SMC6: variants seen among roughly 807,000 people sequenced by gnomAD.
SMC6 encodes the protein structural maintenance of chromosomes protein 6.
Under a neutral mutation model 142.2 loss-of-function variants are expected in SMC6, and 79 were observed. That is an observed-to-expected ratio of 0.56 (90% CI 0.46 to 0.67). The LOEUF is 0.67. Among genes scored for constraint, SMC6 ranks in the 30% least tolerant of loss-of-function variants. The pLI is 0.00. For missense variants in SMC6, 1,072 were observed against 1,284.0 expected, an observed-to-expected ratio of 0.83 and a Z score of 2.52; for synonymous variants, 411 against 412.4, an observed-to-expected ratio of 1.00 and a Z score of 0.04.
intron 27 of SMC6, among the ~76,000 whole-genome samples, 154 bp downstream of exon 27, chr2:17,666,266 A>G (rs1666491766): frequency 6.6e-6 from 1 of 152,244 alleles, no homozygotes; most frequent in Non-Finnish European, 1.5e-5. Context: ...TCTCAAAAAG[A>G]GAAAAACATC....
intron 23 of SMC6, among the ~76,000 whole-genome samples, chr2:17,686,144 T>TATCCTTTCTC (rs1233561862): frequency 2.0e-5 from 3 of 152,066 alleles, no homozygotes; most frequent in Non-Finnish European, 4.4e-5. Flanking sequence ...GGGGAAAAAG[T>TATCCTTTCTC]ATCCTTTCTC....
chr2:17,700,821 C>T (rs1030964147), intron 20 of SMC6, among the ~76,000 whole-genome samples: 1 of 151,940 alleles, frequency 6.6e-6, no homozygotes, highest in Non-Finnish European at 1.5e-5. Flanking sequence ...CACCTAAGGA[C>T]AGGAGTTTGA....
chr2:17,706,418 T>C (rs1668510873), intron 18 of SMC6, among the ~76,000 whole-genome samples: 1 of 152,200 alleles, frequency 6.6e-6, no homozygotes, highest in African/African-American at 2.4e-5. Context: ...GTTATTTTCC[T>C]TTATTCTGCT....
intron 4 of SMC6, among the ~76,000 whole-genome samples, chr2:17,739,837 C>CACAGACAG (rs1553321179): frequency 3.8e-5 from 4 of 104,456 alleles, no homozygotes; most frequent in African/African-American, 2.1e-4. Flanking sequence ...CACACACACA[C>CACAGACAG]ACACACAGAC....
intron 2 of SMC6, among the ~76,000 whole-genome samples, chr2:17,752,715 C>T (rs1671112940): frequency 6.6e-6 from 1 of 152,204 alleles, no homozygotes; most frequent in African/African-American, 2.4e-5. Flanking sequence ...TGTTCCCTCT[C>T]TACCCACACA....
At chr2:17,720,028 GC>G (rs1282723235) in intron 11 of SMC6, among the ~76,000 whole-genome samples, 16 of 152,152 alleles carry the variant, frequency 1.1e-4, no homozygotes, top group Non-Finnish European at 4.4e-5. Flanking sequence ...GAGTACATTT[GC>G]GGGGGAAGGG....
chr2:17,670,272 TTA>T, intron 26 of SMC6, 149 bp downstream of exon 26: 1 of 757,238 alleles, frequency 1.3e-6, no homozygotes. Context: ...CTCTAGTTCT[TTA>T]GTTCTTCCCC....
intron 3 of SMC6, among the ~76,000 whole-genome samples, chr2:17,744,227 G>T (rs1457822756): frequency 6.6e-6 from 1 of 152,130 alleles, no homozygotes; most frequent in Admixed American, 6.5e-5. Flanking sequence ...ATTCTTGTCA[G>T]CATTTGGTGC....
chr2:17,716,605 CATAAAA>C, intron 14 of SMC6, 130 bp downstream of exon 14: 1 of 915,408 alleles, frequency 1.1e-6, no homozygotes, highest in South Asian at 1.9e-5. Flanking sequence ...AAGTATTTAA[CATAAAA>C]ATAAAATCTT....
chr2:17,684,028 G>A (rs762259200), intron 23 of SMC6, among the ~76,000 whole-genome samples: 1 of 152,152 alleles, frequency 6.6e-6, no homozygotes, highest in Non-Finnish European at 1.5e-5. Flanking sequence ...CAAATGCCCT[G>A]GTACGGCCTA....
At chr2:17,666,081 C>A (rs1666483060) in intron 27 of SMC6, among the ~76,000 whole-genome samples, 1 of 152,082 alleles carries the variant, frequency 6.6e-6, no homozygotes, top group Non-Finnish European at 1.5e-5. Context: ...TTGTAAGTCA[C>A]CAAGAGAAAA....
chr2:17,718,128 C>T lies in SMC6; in HGVS notation c.1041G>A (p.Met347Ile), dbSNP rs765551125. 5 of 1,611,672 alleles carry T rather than the reference C, an allele frequency of 3.1e-6. No individual in the cohort carries two copies. The highest frequency in any genetic ancestry group is 1.1e-5 in the South Asian group (1 of 90,786). ...EETNARAPEC[M>I]ALKADVVAKK... ...TAGCAACAACATCTGCTTTCAATGCCATACATTCTGGTGCTCGTGCATTTG... is the reference window on the plus strand; with the variant it reads ...TAGCAACAACATCTGCTTTCAATGCTATACATTCTGGTGCTCGTGCATTTG... The change falls in exon 12 of 28, where the codon ATG becomes ATA. Residue 347 changes from methionine (M) to isoleucine (I), a missense_variant. Met to Ile is a conservative substitution (Grantham distance 10, BLOSUM62 1). Coordinates refer to ENST00000448223, the MANE Select transcript of SMC6 (RefSeq NM_001142286.2).
chr2:17,708,931 A>G (rs1483181052), intron 16 of SMC6, among the ~76,000 whole-genome samples, 178 bp from the exon 17 acceptor site: 1 of 152,056 alleles, frequency 6.6e-6, no homozygotes, highest in African/African-American at 2.4e-5. Context: ...ACATAGCTGT[A>G]TAGGTTTATT....
At position 17,700,207 on chromosome 2, in the gene SMC6, C is replaced by T. The variant is rs754737847; in HGVS notation, c.2394+1G>A. The T allele has an allele frequency of 6.3e-7, 1 of 1,588,498 alleles. No homozygotes were observed. Among genetic ancestry groups the T allele is most frequent in the Admixed American group, 1.7e-5 (1 of 57,364 alleles). On this transcript the variant is annotated splice_donor_variant, in intron 21 of 27. Coordinates refer to ENST00000448223, the MANE Select transcript of SMC6 (RefSeq NM_001142286.2). LOFTEE classifies it high-confidence loss of function. The stretch of plus-strand genomic sequence containing the variant: ...CGTAACACAGTACCAAAAATATATA[C>T]CTTAAGTGGGTCTGCTAGCTCCGAT...
At chr2:17,738,112 G>A (rs1670246209) in intron 5 of SMC6, 109 bp downstream of exon 5, 2 of 762,964 alleles carry the variant, frequency 2.6e-6, no homozygotes, top group Admixed American at 5.0e-5. Flanking sequence ...CTCTGCTCCT[G>A]TTCTGGGAAG....
At chr2:17,721,289 ATTT>A (rs1237720450) in intron 9 of SMC6, 28 bp from the exon 10 acceptor site, 1 of 1,527,308 alleles carries the variant, frequency 6.5e-7, no homozygotes, top group African/African-American at 1.4e-5. Context: ...GAACGGACGT[ATTT>A]TTTATTAATG....
chr2:17,697,796 A>G (rs1668073362), intron 21 of SMC6, among the ~76,000 whole-genome samples: 1 of 152,108 alleles, frequency 6.6e-6, no homozygotes, highest in South Asian at 2.1e-4. Context: ...AAGTTCTTCA[A>G]AATGAAGTGT....
intron 3 of SMC6, among the ~76,000 whole-genome samples, chr2:17,742,069 C>A (rs1010753962): frequency 2.6e-5 from 4 of 152,134 alleles, no homozygotes; most frequent in African/African-American, 9.7e-5. Flanking sequence ...TAGATGCCGG[C>A]AACACACACC....
At chr2:17,713,223 GA>G (rs1218217407) in intron 16 of SMC6, among the ~76,000 whole-genome samples, 1 of 152,104 alleles carries the variant, frequency 6.6e-6, no homozygotes, top group Non-Finnish European at 1.5e-5. Flanking sequence ...CATCTCTAAA[GA>G]AACATTATTA....
Sources: gnomAD v4.1 joint callset for allele counts (sites outside exome capture counted in the v4.1 genomes callset) on GRCh38, gnomAD v4.1.1 for gene constraint, MANE v1.5 for transcripts, NCBI Gene and HGNC (gene_info 2026-07-23, HGNC 2026-07-21) for gene names.